The following ARHGAP42 variants were observed in gnomAD, a reference collection of about 807,000 sequenced individuals.
ARHGAP42 encodes the protein Rho GTPase activating protein 42.
In ARHGAP42, 63 loss-of-function variants were observed where a neutral mutation model predicts 125.0. The observed-to-expected ratio is 0.50, with a 90% CI of 0.41 to 0.62. The LOEUF (loss-of-function observed/expected upper bound fraction) is 0.62. ARHGAP42 is among the 20% of genes least tolerant of loss of function. The pLI is 0.00. For synonymous variants in ARHGAP42, 339 were observed against 351.0 expected, an observed-to-expected ratio of 0.97 and a Z score of 0.38; for missense variants, 766 against 1,024.2, an observed-to-expected ratio of 0.75 and a Z score of 3.44.
intron 4 of ARHGAP42, among the ~76,000 whole-genome samples, chr11:100,900,365 G>C (rs941803500): frequency 1.2e-4 from 19 of 152,142 alleles, no homozygotes; most frequent in Admixed American, 1.1e-3. Flanking sequence ...CAACCTTGGT[G>C]AATCTGACAA....
intron 4 of ARHGAP42, among the ~76,000 whole-genome samples, chr11:100,877,297 C>T (rs765061326): frequency 4.6e-5 from 7 of 152,106 alleles, no homozygotes; most frequent in Non-Finnish European, 8.8e-5. Context: ...CTTTTCTTGT[C>T]TCTTATGTTG....
In ARHGAP42 at chr11:100,989,240, TG is replaced by T. The variant is rs202022806; in HGVS notation, c.*440del. 158 of 392,770 alleles carry T rather than the reference TG, an allele frequency of 4.0e-4. No individual in the cohort carries two copies. Among genetic ancestry groups the T allele is most frequent in the South Asian group, 7.8e-4 (6 of 7,712 alleles). 24.3% of individuals were successfully genotyped at this position (392,770 alleles called of 1,614,324 possible). On this transcript the variant is annotated 3_prime_UTR_variant, in exon 24 of 24. Transcript: ENST00000298815. ...AATGTAATTTAAATTGTTCATTTAT[TG>T]TTTTTTTTTTCTTAGAAATATACTG... is the stretch of plus-strand genomic sequence containing the variant.
chr11:100,918,172 C>T (rs1867126760), intron 5 of ARHGAP42, among the ~76,000 whole-genome samples: 1 of 152,140 alleles, frequency 6.6e-6, no homozygotes, highest in Admixed American at 6.6e-5. Context: ...ATTTCTGTCT[C>T]CTCCAAACAA....
intron 4 of ARHGAP42, among the ~76,000 whole-genome samples, chr11:100,873,077 A>G (rs886425685): frequency 6.6e-6 from 1 of 152,230 alleles, no homozygotes. Flanking sequence ...TCTACCATCC[A>G]GCAGGTGCAA....
chr11:100,699,506 ATTTTTTTTTTTTTTTTTTTTT>A (rs869243290), intron 1 of ARHGAP42, among the ~76,000 whole-genome samples: 16 of 31,750 alleles, frequency 5.0e-4, no homozygotes, highest in Non-Finnish European at 5.9e-4. Context: ...ATATATATAT[ATTTTTTTTTTTTTTTTTTTTT>A]TTTTTTTTTT....
chr11:100,852,768 T>G (rs1191229390), intron 3 of ARHGAP42, among the ~76,000 whole-genome samples: 1 of 152,174 alleles, frequency 6.6e-6, no homozygotes, highest in Non-Finnish European at 1.5e-5. Context: ...GGAATATTTT[T>G]GGCCATCTTC....
At position 100,849,115 on chromosome 11, in the gene ARHGAP42, T is replaced by A. The variant is rs115811456; in HGVS notation, c.313-10439T>A. On this transcript the variant is annotated intron_variant, in intron 3 of 23. Coordinates refer to ENST00000298815, the MANE Select transcript of ARHGAP42 (RefSeq NM_152432.4). ...GGTCAGATGTTAATGATTTATTAAATGATTGTATTTTCTGTTGGAACATGC... is the reference window on the plus strand; with the variant it reads ...GGTCAGATGTTAATGATTTATTAAAAGATTGTATTTTCTGTTGGAACATGC... Among the ~76,000 whole-genome samples, 533 of 152,368 alleles carry A rather than the reference T, an allele frequency of 3.5e-3. 5 individuals are homozygous for A. The highest frequency in any genetic ancestry group is 0.012 in the African/African-American group (502 of 41,596).
At chr11:100,785,362 G>A (rs929615917) in intron 2 of ARHGAP42, among the ~76,000 whole-genome samples, 4 of 152,158 alleles carry the variant, frequency 2.6e-5, no homozygotes, top group South Asian at 2.1e-4. Flanking sequence ...GTAGAAAGAC[G>A]AGAATTCTTT....
At chr11:100,921,229 A>G (rs868422016) in intron 5 of ARHGAP42, among the ~76,000 whole-genome samples, 3 of 58,578 alleles carry the variant, frequency 5.1e-5, no homozygotes, top group Non-Finnish European at 9.2e-5. Context: ...ATATATATAT[A>G]TATATATATA....
At chr11:100,849,648 A>C (rs1865157141) in intron 3 of ARHGAP42, among the ~76,000 whole-genome samples, 1 of 151,972 alleles carries the variant, frequency 6.6e-6, no homozygotes, top group Non-Finnish European at 1.5e-5. Flanking sequence ...TCAAGGAATT[A>C]TTTATTTAAA....
chr11:100,882,670 T>G (rs994129992), intron 4 of ARHGAP42, among the ~76,000 whole-genome samples: 1 of 152,140 alleles, frequency 6.6e-6, no homozygotes, highest in African/African-American at 2.4e-5. Context: ...TCAATAGGAT[T>G]GGTACCAATC....
intron 4 of ARHGAP42, among the ~76,000 whole-genome samples, chr11:100,901,957 A>G (rs1866565304): frequency 6.6e-6 from 1 of 152,206 alleles, no homozygotes; most frequent in Non-Finnish European, 1.5e-5. Flanking sequence ...TGAACCAGGT[A>G]CCTCAGTGCA....
chr11:100,915,732 C>G (rs1033622119), intron 5 of ARHGAP42, among the ~76,000 whole-genome samples: 6 of 152,110 alleles, frequency 3.9e-5, no homozygotes, highest in Non-Finnish European at 8.8e-5. Flanking sequence ...CCACCTCACT[C>G]CACAAGTACA....
intron 6 of ARHGAP42, among the ~76,000 whole-genome samples, chr11:100,929,966 G>C (rs1191794086): frequency 6.6e-6 from 1 of 152,126 alleles, no homozygotes; most frequent in Non-Finnish European, 1.5e-5. Context: ...TATCTGTTAA[G>C]TATGGTATCA....
At chr11:100,904,721 G>T (rs1175447177) in intron 4 of ARHGAP42, among the ~76,000 whole-genome samples, 3 of 152,104 alleles carry the variant, frequency 2.0e-5, no homozygotes, top group South Asian at 2.1e-4. Flanking sequence ...ATTTTACTTT[G>T]CAAGGAACAT....
chr11:100,803,245 G>A (rs139168007), intron 3 of ARHGAP42, among the ~76,000 whole-genome samples: 3 of 151,870 alleles, frequency 2.0e-5, no homozygotes, highest in Non-Finnish European at 2.9e-5. Context: ...ATTTAGATGC[G>A]TACTGTATAT....
At chr11:100,751,594 A>G (rs1862459096) in intron 1 of ARHGAP42, among the ~76,000 whole-genome samples, 1 of 151,374 alleles carries the variant, frequency 6.6e-6, no homozygotes, top group African/African-American at 2.4e-5. Flanking sequence ...CCAGTGGTGG[A>G]TGGAGGTCCC....
At chr11:100,835,320 A>G (rs1864759306) in intron 3 of ARHGAP42, among the ~76,000 whole-genome samples, 1 of 152,190 alleles carries the variant, frequency 6.6e-6, no homozygotes, top group Non-Finnish European at 1.5e-5. Flanking sequence ...TTATCTTTAC[A>G]GTTATACATG....
At chr11:100,922,232 T>C (rs1867296138) in intron 6 of ARHGAP42, among the ~76,000 whole-genome samples, 1 of 152,202 alleles carries the variant, frequency 6.6e-6, no homozygotes, top group African/African-American at 2.4e-5. Context: ...TGTGCTCCCC[T>C]TCCTCACAGG....
Sources: allele counts gnomAD v4.1 joint callset (sites outside exome capture counted in the v4.1 genomes callset), GRCh38; gene constraint gnomAD v4.1.1; transcripts MANE v1.5; gene names NCBI Gene and HGNC (gene_info 2026-07-23, HGNC 2026-07-21).